The following BACH2 variants were observed in gnomAD, a reference collection of about 807,000 sequenced individuals.
BACH2 encodes BACH transcriptional regulator 2, also known as transcription regulator protein BACH2.
BACH2 carries 5 observed loss-of-function variants against 61.8 expected under a neutral mutation model. The observed-to-expected ratio is 0.08, with a 90% confidence interval of 0.04 to 0.17. The LOEUF (loss-of-function observed/expected upper bound fraction) is 0.17, where lower values mean the gene tolerates loss of function less well. Ranked by LOEUF, BACH2 falls within the 10% of genes least tolerant of loss-of-function variation. The pLI, the probability that BACH2 is intolerant of heterozygous loss-of-function variation, is 1.00. For synonymous variants in BACH2, 446 were observed against 440.1 expected, an observed-to-expected ratio of 1.01 and a Z score of -0.17; for missense variants, 824 against 1,091.1, an observed-to-expected ratio of 0.76 and a Z score of 3.45.
At chr6:90,270,371 T>G (rs1771479915) in intron 2 of BACH2, among the ~76,000 whole-genome samples, 1 of 152,074 alleles carries the variant, frequency 6.6e-6, no homozygotes, top group Non-Finnish European at 1.5e-5. Flanking sequence ...CCTAGATCAG[T>G]AAGGTCTCAG....
At chr6:90,216,406 T>C (rs1425558134) in intron 3 of BACH2, among the ~76,000 whole-genome samples, 3 of 152,188 alleles carry the variant, frequency 2.0e-5, no homozygotes, top group Admixed American at 1.3e-4. Flanking sequence ...GCCTAGGCTG[T>C]CTGCTCAGGT....
chr6:90,072,072 A>C (rs1351306414), intron 5 of BACH2, among the ~76,000 whole-genome samples: 4 of 152,150 alleles, frequency 2.6e-5, no homozygotes, highest in African/African-American at 9.7e-5. Context: ...TCGAGAAAAA[A>C]ATCCACGTAT....
chr6:90,178,552 C>T (rs1007060334), intron 4 of BACH2, among the ~76,000 whole-genome samples: 1 of 152,164 alleles, frequency 6.6e-6, no homozygotes, highest in Non-Finnish European at 1.5e-5. Flanking sequence ...TCCTTCCCAA[C>T]TCCCAAAAAA....
Position 89,991,963 on chromosome 6 carries a change from GTTTGT to G in BACH2, c.243+16634_243+16638del, listed in dbSNP as rs374081927. 2.2e-4 allele frequency among the ~76,000 whole-genome samples: 34 copies of G among 151,900 alleles called. No individual in the cohort carries two copies. In the East Asian group the frequency reaches 4.1e-3, roughly 18 times the overall value. On this transcript the variant is annotated intron_variant, in intron 6 of 8. Transcript: ENST00000257749. ...TTTAATATACGGTGAGTTCATTTTTGTTTGTTTTAAATTTTTAAGTCTGCTGATTT... is the reference window on the plus strand; with the variant it reads ...TTTAATATACGGTGAGTTCATTTTTGTTTAAATTTTTAAGTCTGCTGATTT...
intron 5 of BACH2, among the ~76,000 whole-genome samples, chr6:90,013,351 A>G (rs540728832): frequency 1.4e-4 from 22 of 152,274 alleles, no homozygotes; most frequent in African/African-American, 5.3e-4. Context: ...GATGTTAGGA[A>G]GAAAGTATTC....
chr6:90,042,340 G>A (rs148050034), intron 5 of BACH2, among the ~76,000 whole-genome samples: 34 of 151,804 alleles, frequency 2.2e-4, no homozygotes, highest in African/African-American at 6.8e-4. Flanking sequence ...CTATGGGTAC[G>A]GGACACTGCA....
intron 4 of BACH2, among the ~76,000 whole-genome samples, chr6:90,090,578 T>C (rs1364478805): frequency 6.6e-6 from 1 of 152,182 alleles, no homozygotes. Flanking sequence ...ACACAGAAGA[T>C]AGTGAACAGC....
intron 6 of BACH2, among the ~76,000 whole-genome samples, chr6:89,965,570 C>A (rs1179621808): frequency 6.6e-6 from 1 of 152,222 alleles, no homozygotes; most frequent in Non-Finnish European, 1.5e-5. Flanking sequence ...CCTAGAGTCT[C>A]AATAACTATT....
intron 6 of BACH2, among the ~76,000 whole-genome samples, chr6:89,972,452 G>A (rs183870880): frequency 3.9e-5 from 6 of 152,240 alleles, no homozygotes; most frequent in African/African-American, 7.2e-5. Flanking sequence ...AAAGCATCAT[G>A]TTGCTTCTAA....
At position 89,951,917 on chromosome 6, in the gene BACH2, G is replaced by C; in HGVS notation, c.244-55C>G. On this transcript the variant is annotated intron_variant, in intron 6 of 8. Transcript: ENST00000257749. This position sits in a 1 kb window ranked among gnomAD's most constrained non-coding sequence, Gnocchi z 6.4. ...TTACCATCAGCACTGCTATTGTCCC[G>C]AATCCCTCAACTGAAGCAAGATAAC... 2 of 1,564,270 alleles carry C rather than the reference G, an allele frequency of 1.3e-6. No individual in the cohort carries two copies. Among genetic ancestry groups the C allele is most frequent in the Non-Finnish European group, 1.7e-6 (2 of 1,149,970 alleles).
intron 4 of BACH2, among the ~76,000 whole-genome samples, chr6:90,133,134 T>C (rs1784134419): frequency 6.6e-6 from 1 of 152,216 alleles, no homozygotes; most frequent in Non-Finnish European, 1.5e-5. Context: ...TCCCAGAAGA[T>C]TATATTTTCT....
intron 4 of BACH2, among the ~76,000 whole-genome samples, chr6:90,191,821 T>C (rs1482633430): frequency 6.6e-6 from 1 of 152,248 alleles, no homozygotes; most frequent in African/African-American, 2.4e-5. Flanking sequence ...ATCAAATATC[T>C]ACAAAGGACA....
At chr6:90,226,200 A>G (rs1302974791) in intron 3 of BACH2, among the ~76,000 whole-genome samples, 1 of 152,194 alleles carries the variant, frequency 6.6e-6, no homozygotes, top group Non-Finnish European at 1.5e-5. Context: ...TTATGATCAC[A>G]GCAAGGCTTT....
Position 89,951,767 on chromosome 6 carries a change from A to G in BACH2, c.339T>C (p.Ala113=), listed in dbSNP as rs758434444. Residue 113 remains alanine (A), a synonymous_variant, in exon 7 of 9, where the codon GCT becomes GCC. Transcript: ENST00000257749. The surrounding 1 kb of genome is among the most constrained non-coding windows in gnomAD (Gnocchi z 6.4). ...CCAGGTTGTGCATGCGCAGGAACTC[A>G]GCACAGCGGATGACCTCGCGGATGT... ...RENIREVIRC[A]EFLRMHNLED... 1 of 1,614,252 alleles carries G rather than the reference A, an allele frequency of 6.2e-7. No homozygotes were observed. Among genetic ancestry groups the G allele is most frequent in the Non-Finnish European group, 8.5e-7 (1 of 1,180,038 alleles).
At chr6:90,017,591 A>G (rs1044629837) in intron 5 of BACH2, among the ~76,000 whole-genome samples, 1 of 152,170 alleles carries the variant, frequency 6.6e-6, no homozygotes, top group African/African-American at 2.4e-5. Context: ...CTAATCTGCC[A>G]TCAATCTTTT....
At chr6:89,992,412 G>A (rs139136287) in intron 6 of BACH2, among the ~76,000 whole-genome samples, 3,036 of 152,258 alleles carry the variant, frequency 0.02, 48 homozygotes, top group Middle Eastern at 0.031. Flanking sequence ...AGGCCAAGGC[G>A]GGTGGATCCC....
chr6:90,210,312 A>AAC (rs3072671), intron 3 of BACH2, among the ~76,000 whole-genome samples: 6,305 of 147,182 alleles, frequency 0.043, 138 homozygotes, highest in Middle Eastern at 0.066. Flanking sequence ...ACCCCAAAAC[A>AAC]ACACACACAC....
At chr6:89,963,279 T>C (rs1774853726) in intron 6 of BACH2, among the ~76,000 whole-genome samples, 1 of 152,068 alleles carries the variant, frequency 6.6e-6, no homozygotes, top group Admixed American at 6.5e-5. Flanking sequence ...TGTGCACTGT[T>C]TTATTTTTTA....
chr6:90,089,163 T>A (rs773732748), intron 4 of BACH2, 54 bp from the exon 5 acceptor site: 3 of 152,136 alleles, frequency 2.0e-5, no homozygotes, highest in South Asian at 2.1e-4. Flanking sequence ...CATGTGAATG[T>A]TTCCCCCTCT....
Sources: allele counts gnomAD v4.1 joint callset (sites outside exome capture counted in the v4.1 genomes callset), GRCh38; gene constraint gnomAD v4.1.1; non-coding constraint Gnocchi (gnomAD v3.1); transcripts MANE v1.5; gene names NCBI Gene and HGNC (gene_info 2026-07-23, HGNC 2026-07-21).